Variants in BTC observed in about 807,000 individuals in gnomAD.
BTC encodes betacellulin, also known as probetacellulin.
BTC carries 13 observed loss-of-function variants against 18.1 expected under a neutral mutation model. That is an observed-to-expected ratio of 0.72 (90% CI 0.47 to 1.14). BTC has a LOEUF of 1.14. BTC is among the 50% of genes most tolerant of loss of function. The pLI is 0.00. For synonymous variants in BTC, 83 were observed against 79.4 expected, an observed-to-expected ratio of 1.05 and a Z score of -0.24; for missense variants, 247 against 224.2, an observed-to-expected ratio of 1.10 and a Z score of -0.65.
chr4:74,790,098 A>G (rs1725581825), intron 1 of BTC, among the ~76,000 whole-genome samples: 2 of 152,194 alleles, frequency 1.3e-5, no homozygotes, highest in Admixed American at 1.3e-4. Flanking sequence ...TCTATTACCT[A>G]TTTCATAACT....
intron 1 of BTC, among the ~76,000 whole-genome samples, chr4:74,783,108 A>G (rs1041506721): frequency 1.3e-5 from 2 of 152,142 alleles, no homozygotes; most frequent in South Asian, 4.1e-4. Context: ...GTTTAATTAG[A>G]TACCACTTGT....
intron 4 of BTC, among the ~76,000 whole-genome samples, chr4:74,748,894 G>C (rs906307843): frequency 6.6e-6 from 1 of 152,166 alleles, no homozygotes; most frequent in African/African-American, 2.4e-5. Flanking sequence ...GCTCCAAGTT[G>C]ATATAACAAA....
intron 3 of BTC, among the ~76,000 whole-genome samples, chr4:74,753,424 A>G (rs564359803): frequency 1.3e-5 from 2 of 152,346 alleles, no homozygotes; most frequent in East Asian, 1.9e-4. Context: ...TCTCAAGTTC[A>G]TGCTCTTAAC....
At chr4:74,781,689 C>CTT (rs113465251) in intron 1 of BTC, among the ~76,000 whole-genome samples, 3 of 150,630 alleles carry the variant, frequency 2.0e-5, no homozygotes, top group African/African-American at 7.3e-5. Context: ...CTACCTCTGT[C>CTT]TTTTTTTTTC....
At chr4:74,769,077 A>T (rs760701041) in intron 2 of BTC, among the ~76,000 whole-genome samples, 6 of 152,160 alleles carry the variant, frequency 3.9e-5, no homozygotes, top group Non-Finnish European at 8.8e-5. Context: ...AGACTTGCTC[A>T]GTGTGTTCCT....
intron 2 of BTC, among the ~76,000 whole-genome samples, chr4:74,769,161 G>T (rs72660317): frequency 0.02 from 3,044 of 152,240 alleles, 47 homozygotes; most frequent in Non-Finnish European, 0.029. Context: ...CCAGTTCATA[G>T]AAGTTTCCAG....
At chr4:74,755,292 A>G (rs777149723) in intron 3 of BTC, among the ~76,000 whole-genome samples, 1 of 152,244 alleles carries the variant, frequency 6.6e-6, no homozygotes, top group South Asian at 2.1e-4. Context: ...AAGAAAACAC[A>G]TATTTAAAAG....
At chr4:74,770,757 C>T (rs952950646) in intron 1 of BTC, among the ~76,000 whole-genome samples, 3 of 151,388 alleles carry the variant, frequency 2.0e-5, no homozygotes, top group Non-Finnish European at 4.4e-5. Flanking sequence ...TGTGTAGATA[C>T]TGATTCAAAC....
intron 1 of BTC, among the ~76,000 whole-genome samples, chr4:74,785,899 A>T (rs1264216724): frequency 6.6e-6 from 1 of 152,192 alleles, no homozygotes; most frequent in African/African-American, 2.4e-5. Context: ...CCTGTGTTAG[A>T]TGAATGTTAT....
At chr4:74,794,130 TTCTCC>T in intron 1 of BTC, 127 bp downstream of exon 1, 1 of 1,186,450 alleles carries the variant, frequency 8.4e-7, no homozygotes, top group Non-Finnish European at 1.2e-6. Context: ...GCCTTCAAAG[TTCTCC>T]AACCCGCGCC....
chr4:74,756,025 C>T lies in BTC; in HGVS notation c.164-49G>A, dbSNP rs782417348. On this transcript the variant is annotated intron_variant, in intron 2 of 5. Transcript: ENST00000395743. The stretch of plus-strand genomic sequence containing the variant: ...TAAATCAACTCTCTTTAAATATTCA[C>T]TTGTAAATAGAATCATATTCTTATC... 10 of 1,388,878 alleles carry T rather than the reference C, an allele frequency of 7.2e-6. No homozygotes were observed. In the South Asian group the frequency reaches 1.2e-4, roughly 16 times the overall value. 86.0% of individuals were successfully genotyped at this position (1,388,878 alleles called of 1,614,324 possible). A position where few individuals can be genotyped will look rare whatever the true frequency, so the allele number is the denominator to read the frequency against.
Position 74,755,848 on chromosome 4 carries a change from A to G in BTC, c.281+11T>C. The stretch of plus-strand genomic sequence containing the variant: ...ACCCTTTTGCTTGCTGGCTGAGGAC[A>G]CTCCACTTACACACAGGAGGGCGTC... On this transcript the variant is annotated intron_variant, in intron 3 of 5. Transcript: ENST00000395743. 6.2e-7 allele frequency: 1 copy of G among 1,612,570 alleles called. No individual in the cohort carries two copies. Among genetic ancestry groups the G allele is most frequent in the Non-Finnish European group, 8.5e-7 (1 of 1,178,938 alleles).
intron 1 of BTC, among the ~76,000 whole-genome samples, chr4:74,771,581 T>A (rs1338257876): frequency 6.6e-6 from 1 of 152,142 alleles, no homozygotes; most frequent in East Asian, 1.9e-4. Flanking sequence ...AGTTCAAAGG[T>A]CAAGAGTTTT....
intron 2 of BTC, among the ~76,000 whole-genome samples, chr4:74,768,179 C>T (rs139287407): frequency 6.6e-6 from 1 of 152,152 alleles, no homozygotes; most frequent in East Asian, 1.9e-4. Context: ...TTCCTGAAGA[C>T]AATTTAGCAC....
At chr4:74,755,501 T>C in intron 3 of BTC, among the ~76,000 whole-genome samples, 1 of 152,218 alleles carries the variant, frequency 6.6e-6, no homozygotes. Context: ...TTTCCTCGTA[T>C]TTACACTAAC....
At chr4:74,776,371 T>C (rs964600313) in intron 1 of BTC, among the ~76,000 whole-genome samples, 13 of 152,152 alleles carry the variant, frequency 8.5e-5, no homozygotes, top group Admixed American at 8.5e-4. Context: ...AATAAACTAA[T>C]GTTAACTGCA....
chr4:74,790,155 A>G (rs1725583308), intron 1 of BTC, among the ~76,000 whole-genome samples: 1 of 152,186 alleles, frequency 6.6e-6, no homozygotes, highest in African/African-American at 2.4e-5. Flanking sequence ...AAGTCTTCCC[A>G]TTAATTAGTA....
At chr4:74,749,256 A>T (rs1724381994) in intron 4 of BTC, among the ~76,000 whole-genome samples, 1 of 151,992 alleles carries the variant, frequency 6.6e-6, no homozygotes, top group Non-Finnish European at 1.5e-5. Flanking sequence ...GTGAAACCCC[A>T]TCTCTACTAC....
intron 1 of BTC, among the ~76,000 whole-genome samples, chr4:74,775,449 C>G (rs1725151257): frequency 6.6e-6 from 1 of 151,964 alleles, no homozygotes; most frequent in Admixed American, 6.6e-5. Context: ...AAGATTTCCA[C>G]TCAAAAAGAT....
Sources: gnomAD v4.1 joint callset for allele counts (sites outside exome capture counted in the v4.1 genomes callset) on GRCh38, gnomAD v4.1.1 for gene constraint, MANE v1.5 for transcripts, NCBI Gene and HGNC (gene_info 2026-07-23, HGNC 2026-07-21) for gene names.